CACNG8: variants seen among roughly 807,000 people sequenced by gnomAD.
CACNG8 encodes calcium voltage-gated channel auxiliary subunit gamma 8, also known as voltage-dependent calcium channel gamma-8 subunit.
Under a neutral mutation model 26.9 loss-of-function variants are expected in CACNG8, and 5 were observed. That is an observed-to-expected ratio of 0.19 (90% CI 0.10 to 0.39). The LOEUF is 0.39. Among genes scored for constraint, CACNG8 ranks in the 10% least tolerant of loss-of-function variants. CACNG8 has a pLI of 1.00. For missense variants in CACNG8, 473 were observed against 609.4 expected (o/e 0.78, Z 2.36); for synonymous variants, 321 against 296.7 (o/e 1.08, Z -0.84).
At chr19:53,973,991 A>G (rs1332607992) in intron 1 of CACNG8, among the ~76,000 whole-genome samples, 6 of 152,208 alleles carry the variant, frequency 3.9e-5, no homozygotes, top group African/African-American at 1.4e-4. Flanking sequence ...AATTATACAT[A>G]ACATAAATTT....
intron 1 of CACNG8, among the ~76,000 whole-genome samples, chr19:53,963,676 C>A (rs1198733776): frequency 6.6e-6 from 1 of 152,112 alleles, no homozygotes; most frequent in East Asian, 1.9e-4. Flanking sequence ...CTCCGCTGAA[C>A]CCCCTTATCC....
intron 1 of CACNG8, among the ~76,000 whole-genome samples, chr19:53,976,361 TA>T (rs1481296226): frequency 6.6e-6 from 1 of 151,562 alleles, no homozygotes; most frequent in African/African-American, 2.4e-5. Context: ...TCTCAAAGAA[TA>T]AAAAAAATGG....
rs66507429 is a variant in CACNG8 at position 53,989,668 on chromosome 19, A to T, written c.*6819A>T. On this transcript the variant is annotated 3_prime_UTR_variant, in exon 4 of 4. Transcript: ENST00000270458. ...GGCCACGCGGGCATTGAGGAAACGC[A>T]GCAGGCCCCTCCCCTAGCTGGGGCG... The T allele has an allele frequency of 0.17, 25,438 of 152,268 alleles. 2,520 individuals carry two copies. The highest frequency in any genetic ancestry group is 0.22 in the Non-Finnish European group (15,049 of 68,010). 9.4% of individuals were successfully genotyped at this position (152,268 alleles called of 1,614,324 possible).
chr19:53,971,721 G>T (rs1371003759), intron 1 of CACNG8, among the ~76,000 whole-genome samples: 2 of 152,188 alleles, frequency 1.3e-5, no homozygotes, highest in East Asian at 3.9e-4. Context: ...TTTGCCAGGG[G>T]AATGTATTAT....
chr19:53,971,660 C>T (rs1000289987), intron 1 of CACNG8, among the ~76,000 whole-genome samples: 4 of 152,216 alleles, frequency 2.6e-5, no homozygotes, highest in African/African-American at 9.7e-5. Flanking sequence ...CCATACAGAG[C>T]CCCTTTGCTA....
Position 53,980,085 on chromosome 19 carries a change from T to TGTGTGC in CACNG8, c.508+79_508+80insTGTGCG, listed in dbSNP as rs773734452. On this transcript the variant is annotated intron_variant, in intron 3 of 3. Coordinates refer to ENST00000270458, the MANE Select transcript of CACNG8 (RefSeq NM_031895.6). ...GTGTGTGTGTGTGTGTGTGTGTGTG[T>TGTGTGC]GCGCGCGCGCGCGTGAGTGCAAGTG... The TGTGTGC allele has an allele frequency of 5.1e-4, 512 of 1,012,200 alleles. 1 individual carries two copies. The East Asian group carries it at 0.011, about 22-fold the overall frequency. The allele number at this position is 1,012,200 out of a possible 1,614,324, so 62.7% of individuals were successfully genotyped here.
intron 1 of CACNG8, 138 bp downstream of exon 1, chr19:53,963,563 C>G: frequency 1.2e-6 from 1 of 819,294 alleles, no homozygotes; most frequent in Admixed American, 3.3e-5. Flanking sequence ...TCTGCGCCTT[C>G]CCACTCGCGC....
Position 53,984,839 on chromosome 19 carries a change from G to A in CACNG8, c.*1990G>A, listed in dbSNP as rs978992992. ...GTGGTGGAGCACACCTGTGGACACA[G>A]CTACTCAGGAGGCTGAGGGAGGAGG... On this transcript the variant is annotated 3_prime_UTR_variant, in exon 4 of 4. Coordinates refer to ENST00000270458, the MANE Select transcript of CACNG8 (RefSeq NM_031895.6). 5 of 152,244 alleles carry A rather than the reference G, an allele frequency of 3.3e-5. No homozygotes were observed. Among genetic ancestry groups the A allele is most frequent in the African/African-American group, 1.2e-4 (5 of 41,422 alleles). 9.4% of individuals were successfully genotyped at this position (152,244 alleles called of 1,614,324 possible). A position where few individuals can be genotyped will look rare whatever the true frequency, so the allele number is the denominator to read the frequency against.
At position 53,977,639 on chromosome 19, in the gene CACNG8, C is replaced by A. The variant is rs75251613; in HGVS notation, c.284-507C>A. Among the ~76,000 whole-genome samples, 1,482 of 152,342 alleles carry A rather than the reference C, an allele frequency of 9.7e-3. 7 individuals carry two copies. Among genetic ancestry groups the A allele is most frequent in the Non-Finnish European group, 0.016 (1,067 of 68,036 alleles). Reference sequence around the variant, plus strand: ...CAACTCCCATGATCCACTGCGGCTGCTCTTCTCACAACTGGACTCCAGACT... The same window carrying A: ...CAACTCCCATGATCCACTGCGGCTGATCTTCTCACAACTGGACTCCAGACT... On this transcript the variant is annotated intron_variant, in intron 1 of 3. Coordinates refer to ENST00000270458, the MANE Select transcript of CACNG8 (RefSeq NM_031895.6).
chr19:53,970,931 CAA>C (rs34478690), intron 1 of CACNG8, among the ~76,000 whole-genome samples: 22 of 96,592 alleles, frequency 2.3e-4, no homozygotes, highest in Non-Finnish European at 2.5e-4. Context: ...GACCCTATCT[CAA>C]AAAAAAAAAA....
At position 53,982,672 on chromosome 19, in the gene CACNG8, G is replaced by A. The variant is rs2069379754; in HGVS notation, c.1101G>A (p.Thr367=). Reference sequence around the variant, plus strand: ...GCGGGGGGGCGTCCGGCTTCCTCACGCTGCACAACGCCTTCCCCAAGGAGG... The same window carrying A: ...GCGGGGGGGCGTCCGGCTTCCTCACACTGCACAACGCCTTCCCCAAGGAGG... Residue 367 remains threonine, a synonymous_variant, in exon 4 of 4, where the codon ACG becomes ACA. Transcript: ENST00000270458. This position sits in a 1 kb window ranked among gnomAD's most constrained non-coding sequence, Gnocchi z 8.4. 4.6e-6 allele frequency: 5 copies of A among 1,096,010 alleles called. No homozygotes were observed. In the African/African-American group the frequency reaches 8.4e-5, roughly 18 times the overall value. 67.9% of individuals were successfully genotyped at this position (1,096,010 alleles called of 1,614,324 possible). A position where few individuals can be genotyped will look rare whatever the true frequency, so the allele number is the denominator to read the frequency against.
chr19:53,980,102 G>A, intron 3 of CACNG8, 95 bp downstream of exon 3: 1 of 1,308,896 alleles, frequency 7.6e-7, no homozygotes, highest in Non-Finnish European at 1.0e-6. Flanking sequence ...GCGCGCGTGA[G>A]TGCAAGTGCG....
Position 53,982,667 on chromosome 19 carries a change from C to T in CACNG8, c.1096C>T (p.Leu366Phe), listed in dbSNP as rs1418222215. 9.1e-7 allele frequency: 1 copy of T among 1,093,250 alleles called. No homozygotes were observed. Among genetic ancestry groups the T allele is most frequent in the Non-Finnish European group, 1.1e-6 (1 of 901,596 alleles). 67.7% of individuals were successfully genotyped at this position (1,093,250 alleles called of 1,614,324 possible). A position where few individuals can be genotyped will look rare whatever the true frequency, so the allele number is the denominator to read the frequency against. ...GGACCGCGGGGGGGCGTCCGGCTTC[C>T]TCACGCTGCACAACGCCTTCCCCAA... The change falls in exon 4 of 4, where the codon CTC (leucine) becomes TTC (phenylalanine). Residue 366 changes from leucine to phenylalanine, a missense_variant. By Grantham distance (22) the Leu-to-Phe change is conservative. Transcript: ENST00000270458. This position sits in a 1 kb window ranked among gnomAD's most constrained non-coding sequence, Gnocchi z 8.4.
At chr19:53,969,740 T>G (rs2069291425) in intron 1 of CACNG8, among the ~76,000 whole-genome samples, 1 of 152,134 alleles carries the variant, frequency 6.6e-6, no homozygotes. Context: ...CCCTTTGGAG[T>G]GTGTCTGAGA....
chr19:53,977,300 G>A (rs2069335395), intron 1 of CACNG8, among the ~76,000 whole-genome samples: 1 of 152,202 alleles, frequency 6.6e-6, no homozygotes, highest in Non-Finnish European at 1.5e-5. Flanking sequence ...CACAGCATGG[G>A]CAGAGGTCTG....
Position 53,988,209 on chromosome 19 carries a change from C to T in CACNG8, c.*5360C>T, listed in dbSNP as rs1224731195. 2 of 151,438 alleles carry T rather than the reference C, an allele frequency of 1.3e-5. No homozygotes were observed. The highest frequency in any genetic ancestry group is 2.5e-5 in the African/African-American group (1 of 40,740). The allele number at this position is 151,438 out of a possible 1,614,324, so 9.4% of individuals were successfully genotyped here. On this transcript the variant is annotated 3_prime_UTR_variant, in exon 4 of 4. Coordinates refer to ENST00000270458, the MANE Select transcript of CACNG8 (RefSeq NM_031895.6). Reference sequence around the variant, plus strand: ...TCAGTGCAGTGGTGGGGACAGAAGCCCTGCTGGAGTGGAGGGGAGAGAGAA... The same window carrying T: ...TCAGTGCAGTGGTGGGGACAGAAGCTCTGCTGGAGTGGAGGGGAGAGAGAA...
chr19:53,980,077 T>TGG, intron 3 of CACNG8, 70 bp downstream of exon 3: 3 of 1,432,690 alleles, frequency 2.1e-6, no homozygotes, highest in Non-Finnish European at 2.8e-6. Flanking sequence ...TGTGTGTGTG[T>TGG]GTGTGTGTGC....
intron 3 of CACNG8, among the ~76,000 whole-genome samples, chr19:53,980,958 G>A (rs976912841): frequency 6.6e-6 from 1 of 151,988 alleles, no homozygotes; most frequent in African/African-American, 2.4e-5. Flanking sequence ...GGGGCTTGGA[G>A]GATCTGAAAG....
chr19:53,970,007 G>A (rs2069292982), intron 1 of CACNG8, among the ~76,000 whole-genome samples: 1 of 150,636 alleles, frequency 6.6e-6, no homozygotes, highest in African/African-American at 2.5e-5. Flanking sequence ...GGTGGCAAGC[G>A]CCTGTAACCC....
Sources: gnomAD v4.1 joint callset for allele counts (sites outside exome capture counted in the v4.1 genomes callset) on GRCh38, gnomAD v4.1.1 for gene constraint, Gnocchi (gnomAD v3.1) non-coding constraint, MANE v1.5 for transcripts, NCBI Gene and HGNC (gene_info 2026-07-23, HGNC 2026-07-21) for gene names.